BEND5: variants seen among roughly 807,000 people sequenced by gnomAD.
BEND5 encodes BEN domain containing 5, also known as BEN domain-containing protein 5.
Under a neutral mutation model 43.9 loss-of-function variants are expected in BEND5, and 22 were observed. The observed-to-expected ratio is 0.50, with a 90% CI of 0.36 to 0.72. BEND5 has a LOEUF of 0.72. Ranked by LOEUF, BEND5 falls within the 30% of genes least tolerant of loss-of-function variation. The pLI is 0.00. For synonymous variants in BEND5, 228 were observed against 225.9 expected (o/e 1.01, Z -0.08); for missense variants, 428 against 550.6 (o/e 0.78, Z 2.23).
At chr1:48,762,704 C>T (rs961695205) in intron 1 of BEND5, among the ~76,000 whole-genome samples, 2 of 151,342 alleles carry the variant, frequency 1.3e-5, no homozygotes, top group Non-Finnish European at 2.9e-5. Context: ...GTTCCCAGGC[C>T]AGGCTTCTCT....
chr1:48,749,917 G>C (rs923473333), intron 3 of BEND5, among the ~76,000 whole-genome samples: 1 of 152,218 alleles, frequency 6.6e-6, no homozygotes, highest in Non-Finnish European at 1.5e-5. Context: ...GGGTTGGGGG[G>C]CTAAGGAGTT....
At chr1:48,728,525 A>T (rs1475730488) in intron 5 of BEND5, among the ~76,000 whole-genome samples, 5 of 138,628 alleles carry the variant, frequency 3.6e-5, no homozygotes. Context: ...TTTGAGATTT[A>T]CTCATGAAAA....
chr1:48,756,752 G>A (rs1372690761), intron 3 of BEND5, among the ~76,000 whole-genome samples: 1 of 152,216 alleles, frequency 6.6e-6, no homozygotes. Flanking sequence ...AGACTTTTAA[G>A]CTTTCACTGA....
chr1:48,751,647 A>C (rs1651749205), intron 3 of BEND5, among the ~76,000 whole-genome samples: 1 of 152,064 alleles, frequency 6.6e-6, no homozygotes, highest in Non-Finnish European at 1.5e-5. Flanking sequence ...TGGCAAATCC[A>C]AAAAAAACAT....
intron 3 of BEND5, among the ~76,000 whole-genome samples, chr1:48,744,904 A>G: frequency 6.6e-6 from 1 of 152,282 alleles, no homozygotes; most frequent in East Asian, 1.9e-4. Context: ...GGCGCTGAAC[A>G]CTACCTCATC....
chr1:48,748,861 TGTGA>T (rs952523889), intron 3 of BEND5, among the ~76,000 whole-genome samples: 4 of 152,062 alleles, frequency 2.6e-5, no homozygotes, highest in Non-Finnish European at 4.4e-5. Context: ...CTCCATTTTC[TGTGA>T]GTGAGGGCAG....
chr1:48,733,244 C>T (rs1162648893), intron 5 of BEND5, among the ~76,000 whole-genome samples: 1 of 152,018 alleles, frequency 6.6e-6, no homozygotes, highest in Non-Finnish European at 1.5e-5. Flanking sequence ...GGGAAGGAAC[C>T]AGTAGTAGAG....
At position 48,769,572 on chromosome 1, in the gene BEND5, A is replaced by C. The variant is rs1001477088; in HGVS notation, c.226+7034T>G. ...ACACACACACACACACACACACACA[A>C]GTTAAATTTTAAACTTGTATGCTCC... On this transcript the variant is annotated intron_variant, in intron 1 of 5. Transcript: ENST00000371833. 1.9e-4 allele frequency among the ~76,000 whole-genome samples: 12 copies of C among 62,734 alleles called. No homozygotes were observed. The East Asian group carries it at 3.3e-3, about 17-fold the overall frequency. The allele number at this position is 62,734 out of a possible 152,430, so 41.2% of individuals were successfully genotyped here. A position where few individuals can be genotyped will look rare whatever the true frequency, so the allele number is the denominator to read the frequency against.
intron 4 of BEND5, among the ~76,000 whole-genome samples, chr1:48,739,258 AC>A (rs1228173749): frequency 6.6e-6 from 1 of 152,136 alleles, no homozygotes; most frequent in African/African-American, 2.4e-5. Flanking sequence ...TATAATCACG[AC>A]AGATTAAGTT....
At chr1:48,741,967 T>C (rs1649981498) in intron 4 of BEND5, among the ~76,000 whole-genome samples, 1 of 152,224 alleles carries the variant, frequency 6.6e-6, no homozygotes, top group Admixed American at 6.5e-5. Flanking sequence ...ATCATGTGAC[T>C]TTAAGATTTT....
At chr1:48,748,809 G>A (rs1238404706) in intron 3 of BEND5, among the ~76,000 whole-genome samples, 1 of 152,130 alleles carries the variant, frequency 6.6e-6, no homozygotes, top group African/African-American at 2.4e-5. Context: ...TCTTGGGGAG[G>A]TGGGGGAGTA....
chr1:48,776,530 C>T (rs1360038599), intron 1 of BEND5, 76 bp downstream of exon 1: 1 of 1,122,778 alleles, frequency 8.9e-7, no homozygotes, highest in Non-Finnish European at 1.2e-6. Context: ...CGGTCCCCTC[C>T]GCCCGGGCCC....
chr1:48,738,353 T>C (rs953016959), intron 4 of BEND5, among the ~76,000 whole-genome samples: 1 of 152,238 alleles, frequency 6.6e-6, no homozygotes, highest in African/African-American at 2.4e-5. Flanking sequence ...ACTTCAGTAC[T>C]GCAAATCTGT....
chr1:48,730,416 C>A (rs541017070), intron 5 of BEND5, among the ~76,000 whole-genome samples: 3 of 152,274 alleles, frequency 2.0e-5, no homozygotes, highest in African/African-American at 7.2e-5. Context: ...AGTAGCATTT[C>A]AAACCAGAGA....
At chr1:48,756,100 T>C (rs572551001) in intron 3 of BEND5, among the ~76,000 whole-genome samples, 1 of 152,324 alleles carries the variant, frequency 6.6e-6, no homozygotes, top group Non-Finnish European at 1.5e-5. Context: ...TCAGGCACTA[T>C]GCGGTGTGTC....
At chr1:48,740,400 C>T (rs1186735711) in intron 4 of BEND5, among the ~76,000 whole-genome samples, 1 of 152,188 alleles carries the variant, frequency 6.6e-6, no homozygotes, top group Non-Finnish European at 1.5e-5. Flanking sequence ...TGTTTCCCTA[C>T]CCATACTATG....
chr1:48,742,591 G>A, intron 4 of BEND5, 32 bp downstream of exon 4: 1 of 1,488,344 alleles, frequency 6.7e-7, no homozygotes, highest in Non-Finnish European at 9.0e-7. Flanking sequence ...ACAAACACTT[G>A]CAGGGAATGG....
intron 3 of BEND5, among the ~76,000 whole-genome samples, chr1:48,758,514 T>C (rs1322525933): frequency 6.6e-6 from 1 of 152,244 alleles, no homozygotes; most frequent in Admixed American, 6.5e-5. Flanking sequence ...ACTTTCTGAC[T>C]TAAACTAATA....
In BEND5 at chr1:48,731,342, C is replaced by T. The variant is rs74927992; in HGVS notation, c.1109-3299G>A. On this transcript the variant is annotated intron_variant, in intron 5 of 5. Transcript: ENST00000371833. ...CTGGTGACAGCAGGTAGCCTGAAAG[C>T]CCAGTTCAGCTTGGCTGTCTCTAAT... 1.6e-3 allele frequency among the ~76,000 whole-genome samples: 245 copies of T among 152,284 alleles called. 6 individuals carry two copies. The East Asian group carries it at 0.025, about 16-fold the overall frequency.
Sources: gnomAD v4.1 joint callset for allele counts (sites outside exome capture counted in the v4.1 genomes callset) on GRCh38, gnomAD v4.1.1 for gene constraint, MANE v1.5 for transcripts, NCBI Gene and HGNC (gene_info 2026-07-23, HGNC 2026-07-21) for gene names.